Variants in ERBIN observed in about 807,000 individuals in gnomAD.
The protein encoded by ERBIN is erbb2 interacting protein.
In ERBIN, 60 loss-of-function variants were observed where a neutral mutation model predicts 158.4. The observed-to-expected ratio is 0.38, with a 90% CI of 0.31 to 0.47. The LOEUF (loss-of-function observed/expected upper bound fraction) is 0.47, where lower values mean the gene tolerates loss of function less well. Among genes scored for constraint, ERBIN ranks in the 20% least tolerant of loss-of-function variants. The pLI is 0.99. For synonymous variants in ERBIN, 594 were observed against 557.2 expected (o/e 1.07, Z -0.93); for missense variants, 1,610 against 1,648.0 (o/e 0.98, Z 0.40).
At chr5:65,927,885 T>G (rs1193862157) in intron 1 of ERBIN, among the ~76,000 whole-genome samples, 2 of 152,202 alleles carry the variant, frequency 1.3e-5, no homozygotes, top group African/African-American at 4.8e-5. Context: ...AGTGGTGTTT[T>G]AGTCTTTTTC....
chr5:65,927,001 C>G (rs1742734322), intron 1 of ERBIN, among the ~76,000 whole-genome samples, 195 bp downstream of exon 1: 1 of 151,528 alleles, frequency 6.6e-6, no homozygotes, highest in Non-Finnish European at 1.5e-5. Flanking sequence ...CCCCCTGCCC[C>G]CCCCACCATC....
At chr5:66,015,517 C>T (rs1754621991) in intron 7 of ERBIN, among the ~76,000 whole-genome samples, 1 of 152,128 alleles carries the variant, frequency 6.6e-6, no homozygotes, top group South Asian at 2.1e-4. Context: ...GTTATCACTG[C>T]TCTATCACTG....
Position 66,080,866 on chromosome 5 carries a change from A to G in ERBIN, c.*2336A>G, listed in dbSNP as rs1257735395. On this transcript the variant is annotated 3_prime_UTR_variant, in exon 26 of 26. Coordinates refer to ENST00000284037, the MANE Select transcript of ERBIN (RefSeq NM_001253697.2). ...TAAAATTTTATAGTATTCTTGCAAC[A>G]CATAAAGTTGCGTAAGAAACTTTAC... 2 of 152,070 alleles carry G rather than the reference A, an allele frequency of 1.3e-5. No individual in the cohort carries two copies. Among genetic ancestry groups the G allele is most frequent in the African/African-American group, 2.4e-5 (1 of 41,454 alleles). 9.4% of individuals were successfully genotyped at this position (152,070 alleles called of 1,614,324 possible).
At chr5:65,958,276 A>T (rs1747482930) in intron 1 of ERBIN, among the ~76,000 whole-genome samples, 1 of 151,982 alleles carries the variant, frequency 6.6e-6, no homozygotes, top group Non-Finnish European at 1.5e-5. Flanking sequence ...GGCGGCTGGG[A>T]GGTGGAGGTT....
At chr5:66,020,869 A>T (rs1202896844) in intron 7 of ERBIN, among the ~76,000 whole-genome samples, 1 of 152,022 alleles carries the variant, frequency 6.6e-6, no homozygotes, top group East Asian at 1.9e-4. Context: ...ACGTACTGTT[A>T]GCATTTTGAA....
chr5:66,043,806 T>C (rs1419761262), intron 16 of ERBIN, among the ~76,000 whole-genome samples: 1 of 152,220 alleles, frequency 6.6e-6, no homozygotes, highest in African/African-American at 2.4e-5. Context: ...CTGAATTTTA[T>C]ATATACGTAG....
At chr5:65,935,782 T>TGGCATGATCACTGCTCACTGCAGC (rs1561263399) in intron 1 of ERBIN, among the ~76,000 whole-genome samples, 1 of 152,178 alleles carries the variant, frequency 6.6e-6, no homozygotes, top group African/African-American at 2.4e-5. Context: ...TGTAGTGCAG[T>TGGCATGATCACTGCTCACTGCAGC]GGCATGATCA....
intron 1 of ERBIN, among the ~76,000 whole-genome samples, chr5:65,935,926 A>G (rs772334452): frequency 3.9e-5 from 6 of 152,190 alleles, no homozygotes; most frequent in East Asian, 1.9e-4. Flanking sequence ...AGGTCTTACT[A>G]TGTTGCCAGG....
At chr5:66,025,592 C>G (rs751283740) in intron 11 of ERBIN, 40 bp downstream of exon 11, 1 of 1,438,190 alleles carries the variant, frequency 7.0e-7, no homozygotes, top group Admixed American at 1.8e-5. Flanking sequence ...GAAGATTTTA[C>G]TTTCAGTTCA....
At chr5:66,075,847 C>A (rs1761933259) in intron 23 of ERBIN, among the ~76,000 whole-genome samples, 2 of 151,884 alleles carry the variant, frequency 1.3e-5, no homozygotes, top group African/African-American at 4.8e-5. Flanking sequence ...TCCTTTGAAG[C>A]CTTTAAACAG....
At chr5:66,059,555 C>T (rs2151259929) in intron 21 of ERBIN, among the ~76,000 whole-genome samples, 1 of 152,280 alleles carries the variant, frequency 6.6e-6, no homozygotes, top group African/African-American at 2.4e-5. Context: ...ATTACCCTGG[C>T]CAGAATTTCC....
intron 21 of ERBIN, among the ~76,000 whole-genome samples, chr5:66,067,858 C>T (rs973626202): frequency 1.3e-5 from 2 of 152,118 alleles, no homozygotes; most frequent in African/African-American, 2.4e-5. Context: ...CACCTGTGGT[C>T]CCAGCTACTC....
intron 21 of ERBIN, among the ~76,000 whole-genome samples, chr5:66,056,141 CAA>C (rs1759553023): frequency 6.6e-6 from 1 of 152,052 alleles, no homozygotes; most frequent in African/African-American, 2.4e-5. Context: ...AGGCTGTAGT[CAA>C]AGAGATTGAG....
rs1343255349 is a variant in ERBIN, at chr5:66,038,411, A to C, written c.1235A>C (p.Glu412Ala). The C allele has an allele frequency of 6.2e-7, 1 of 1,612,262 alleles. No homozygotes were observed. The highest frequency in any genetic ancestry group is 8.5e-7 in the Non-Finnish European group (1 of 1,178,808). ...QSKPLIPLQK[E>A]TDSETQKMVL... The stretch of plus-strand genomic sequence containing the variant: ...AAACCCCTGATACCTCTTCAAAAAG[A>C]AACTGATTCAGAGACCCAGAAAATG... Residue 412 changes from glutamate to alanine, a missense_variant, in exon 15 of 26, where the codon GAA (glutamate) becomes GCA (alanine). Physicochemically the swap from Glu to Ala is moderately radical, Grantham distance 107. Around this residue, in one of 2 missense-constraint regions of ERBIN, gnomAD observed 596 missense variants for 711.9 expected, o/e 0.84. Transcript: ENST00000284037.
intron 1 of ERBIN, among the ~76,000 whole-genome samples, chr5:65,929,222 G>C (rs1450182894): frequency 2.0e-5 from 3 of 152,104 alleles, no homozygotes; most frequent in Non-Finnish European, 4.4e-5. Context: ...CTCAAAAATC[G>C]ATTATTTTAC....
intron 1 of ERBIN, among the ~76,000 whole-genome samples, chr5:65,973,046 T>C (rs16894640): frequency 0.081 from 12,223 of 151,282 alleles, 921 homozygotes; most frequent in African/African-American, 0.15. Flanking sequence ...AATTAGGGCC[T>C]TGTCACATAT....
chr5:65,994,947 A>T, intron 4 of ERBIN, 83 bp downstream of exon 4: 1 of 809,208 alleles, frequency 1.2e-6, no homozygotes, highest in Admixed American at 2.5e-5. Flanking sequence ...CAAAAATAAA[A>T]ATATAAAAAT....
intron 1 of ERBIN, among the ~76,000 whole-genome samples, chr5:65,970,297 A>G (rs402100): frequency 0.73 from 111,654 of 152,040 alleles, 42,735 homozygotes; most frequent in Non-Finnish European, 0.86. Context: ...AAATTAGACT[A>G]TGTCCCTCCT....
At chr5:66,026,615 A>T (rs1255791590) in intron 13 of ERBIN, among the ~76,000 whole-genome samples, 198 bp downstream of exon 13, 1 of 151,980 alleles carries the variant, frequency 6.6e-6, no homozygotes, top group East Asian at 1.9e-4. Flanking sequence ...TCTTTCGTTC[A>T]TCAGTGTTAT....
Sources: allele counts gnomAD v4.1 joint callset (sites outside exome capture counted in the v4.1 genomes callset), GRCh38; gene constraint gnomAD v4.1.1; regional missense constraint gnomAD v4.1.1; transcripts MANE v1.5; gene names NCBI Gene and HGNC (gene_info 2026-07-23, HGNC 2026-07-21).